Variants in APBB2 observed in about 807,000 individuals in gnomAD.
APBB2 encodes amyloid beta precursor protein binding family B member 2.
Under a neutral mutation model 82.5 loss-of-function variants are expected in APBB2, and 38 were observed. The ratio of observed to expected loss-of-function variants is 0.46; its 90% CI spans 0.36 to 0.60. The LOEUF is 0.60. APBB2 is among the 20% of genes least tolerant of loss of function. APBB2 has a pLI of 0.00. For synonymous variants in APBB2, 341 were observed against 368.2 expected (o/e 0.93, Z 0.85); for missense variants, 772 against 972.3 (o/e 0.79, Z 2.74).
intron 1 of APBB2, among the ~76,000 whole-genome samples, chr4:41,143,726 G>A (rs1053037520): frequency 5.9e-5 from 9 of 152,146 alleles, no homozygotes; most frequent in African/African-American, 2.2e-4. Context: ...CAATATGAAT[G>A]GTGTAATAGA....
At chr4:40,886,678 G>C (rs1315540514) in intron 12 of APBB2, among the ~76,000 whole-genome samples, 1 of 152,156 alleles carries the variant, frequency 6.6e-6, no homozygotes, top group Admixed American at 6.5e-5. Flanking sequence ...CAGGCCCACA[G>C]AGACAAGATG....
At chr4:41,133,909 C>T (rs561355440) in intron 2 of APBB2, among the ~76,000 whole-genome samples, 3 of 152,280 alleles carry the variant, frequency 2.0e-5, no homozygotes, top group South Asian at 4.1e-4. Context: ...CTCAGTAATT[C>T]ACAGCAAGTT....
rs773311724 is a variant in APBB2 at position 41,127,234 on chromosome 4, C to T, written c.-261+15753G>A. Among the ~76,000 whole-genome samples, 1 of 151,668 alleles carries T rather than the reference C, an allele frequency of 6.6e-6. No homozygotes were observed. The highest frequency in any genetic ancestry group is 1.5e-5 in the Non-Finnish European group (1 of 67,946). On this transcript the variant is annotated intron_variant, in intron 2 of 17. Coordinates refer to ENST00000508593, the MANE Select transcript of APBB2 (RefSeq NM_004307.2). The surrounding 1 kb of genome is among the most constrained non-coding windows in gnomAD (Gnocchi z 4.8). ...TTATGAAATACTTCATAAAGACACA[C>T]ACCAAACAACCATAATGAAAAGTCT...
intron 10 of APBB2, among the ~76,000 whole-genome samples, chr4:40,932,860 A>ATGTTT (rs573259264): frequency 5.3e-4 from 80 of 151,370 alleles, no homozygotes; most frequent in South Asian, 2.7e-3. Flanking sequence ...GCTTGTTAAG[A>ATGTTT]TGTTTTGTTT....
chr4:40,873,208 T>C (rs946056634), intron 12 of APBB2, among the ~76,000 whole-genome samples: 20 of 152,144 alleles, frequency 1.3e-4, no homozygotes, highest in African/African-American at 4.6e-4. Flanking sequence ...CCTAAGAGAA[T>C]GACTGACAAT....
At chr4:40,837,188 A>G (rs1423119289) in intron 12 of APBB2, among the ~76,000 whole-genome samples, 2 of 152,236 alleles carry the variant, frequency 1.3e-5, no homozygotes, top group Admixed American at 6.5e-5. Flanking sequence ...TGGGGAGGAA[A>G]GAGTGTGTCG....
chr4:40,858,757 T>G (rs915459873), intron 12 of APBB2, among the ~76,000 whole-genome samples: 2 of 152,242 alleles, frequency 1.3e-5, no homozygotes, highest in African/African-American at 4.8e-5. Context: ...TATATTATGC[T>G]TTTCTAGTTA....
chr4:40,940,767 C>CA (rs1786682529), intron 7 of APBB2, among the ~76,000 whole-genome samples: 1 of 152,124 alleles, frequency 6.6e-6, no homozygotes. Context: ...GTAGGAAGAC[C>CA]AAAACACCTT....
At chr4:40,884,677 C>T (rs1286327200) in intron 12 of APBB2, among the ~76,000 whole-genome samples, 10 of 151,498 alleles carry the variant, frequency 6.6e-5, no homozygotes, top group Admixed American at 3.9e-4. Context: ...GCAGGAGGAT[C>T]GCTTGAGCCC....
intron 2 of APBB2, among the ~76,000 whole-genome samples, chr4:41,141,812 C>T (rs2154020908): frequency 6.6e-6 from 1 of 152,302 alleles, no homozygotes; most frequent in Admixed American, 6.5e-5. Flanking sequence ...ACCAACAGAT[C>T]TCATAAGACT....
At chr4:40,912,244 T>G (rs1778754770) in intron 10 of APBB2, among the ~76,000 whole-genome samples, 1 of 152,150 alleles carries the variant, frequency 6.6e-6, no homozygotes, top group Non-Finnish European at 1.5e-5. Flanking sequence ...ATCACAATGC[T>G]TCTTAGATAC....
At chr4:41,129,246 T>A (rs1755278920) in intron 2 of APBB2, among the ~76,000 whole-genome samples, 2 of 151,950 alleles carry the variant, frequency 1.3e-5, no homozygotes, top group Non-Finnish European at 2.9e-5. Context: ...ATTTGGGGAG[T>A]CAAGACTCCT....
intron 12 of APBB2, among the ~76,000 whole-genome samples, chr4:40,831,996 TTATA>T (rs1216096801): frequency 2.2e-5 from 2 of 92,890 alleles, no homozygotes; most frequent in African/African-American, 7.8e-5. Context: ...ACACACATAT[TTATA>T]TATTTATTTA....
chr4:40,908,191 A>T (rs1560865669), intron 10 of APBB2, among the ~76,000 whole-genome samples: 1 of 152,118 alleles, frequency 6.6e-6, no homozygotes, highest in African/African-American at 2.4e-5. Context: ...GGCGGCCAGC[A>T]CAAACCCGGG....
intron 1 of APBB2, among the ~76,000 whole-genome samples, chr4:41,145,380 C>T (rs528562513): frequency 6.6e-6 from 1 of 152,172 alleles, no homozygotes; most frequent in South Asian, 2.1e-4. Context: ...CATTTGCCTC[C>T]ACTTTGACCA....
At chr4:41,097,058 C>A (rs1743723105) in intron 3 of APBB2, among the ~76,000 whole-genome samples, 1 of 152,170 alleles carries the variant, frequency 6.6e-6, no homozygotes, top group African/African-American at 2.4e-5. Context: ...AATTATATTC[C>A]AAAATCTATC....
At chr4:40,949,914 T>A (rs1379156736) in intron 6 of APBB2, among the ~76,000 whole-genome samples, 1 of 152,168 alleles carries the variant, frequency 6.6e-6, no homozygotes, top group Non-Finnish European at 1.5e-5. Context: ...GAGAATGTTT[T>A]TCTATTTGGG....
chr4:40,818,425 G>A (rs925293496), intron 17 of APBB2, among the ~76,000 whole-genome samples: 9 of 152,160 alleles, frequency 5.9e-5, no homozygotes, highest in African/African-American at 9.7e-5. Context: ...ACTCATTGTC[G>A]TTATCACTTA....
chr4:41,031,117 C>T (rs1255500867), intron 5 of APBB2, among the ~76,000 whole-genome samples: 4 of 152,044 alleles, frequency 2.6e-5, no homozygotes, highest in African/African-American at 9.7e-5. Flanking sequence ...CCCAGTTACT[C>T]GGGAGCCTGA....
Sources: allele counts gnomAD v4.1 joint callset (sites outside exome capture counted in the v4.1 genomes callset), GRCh38; gene constraint gnomAD v4.1.1; non-coding constraint Gnocchi (gnomAD v3.1); transcripts MANE v1.5; gene names NCBI Gene and HGNC (gene_info 2026-07-23, HGNC 2026-07-21).